Variants in MCPH1 observed in about 807,000 individuals in gnomAD.
MCPH1 encodes the protein microcephalin.
A neutral mutation model predicts 84.5 loss-of-function variants in MCPH1; 104 were observed. The ratio of observed to expected loss-of-function variants is 1.23; its 90% CI spans 1.05 to 1.45. MCPH1 has a LOEUF of 1.45. Among genes scored for constraint, MCPH1 ranks in the 40% most tolerant of loss-of-function variants. The pLI is 0.00. For missense variants in MCPH1, 1,498 were observed against 1,005.7 expected (o/e 1.49, Z -6.62); for synonymous variants, 514 against 366.8 (o/e 1.40, Z -4.58).
chr8:6,423,958 GA>G (rs1800659298), intron 3 of MCPH1, among the ~76,000 whole-genome samples: 1 of 152,154 alleles, frequency 6.6e-6, no homozygotes, highest in Admixed American at 6.5e-5. Context: ...AGAGCATAGA[GA>G]TAAGAGCCAA....
At chr8:6,552,503 G>A (rs892389590) in intron 12 of MCPH1, among the ~76,000 whole-genome samples, 1 of 152,168 alleles carries the variant, frequency 6.6e-6, no homozygotes, top group Admixed American at 6.5e-5. Context: ...ATAGAAGTTA[G>A]AACATTTAAC....
intron 9 of MCPH1, among the ~76,000 whole-genome samples, chr8:6,473,083 A>G (rs1319861486): frequency 6.6e-6 from 1 of 152,212 alleles, no homozygotes; most frequent in Non-Finnish European, 1.5e-5. Context: ...TAAGCCAATT[A>G]TACAGAAAAA....
chr8:6,609,053 T>C (rs1240160800), intron 12 of MCPH1, among the ~76,000 whole-genome samples: 1 of 152,216 alleles, frequency 6.6e-6, no homozygotes, highest in Admixed American at 6.5e-5. Flanking sequence ...AAACCCCAAC[T>C]TTCAATGACA....
Position 6,647,441 on chromosome 8 carries a change from A to G in MCPH1, c.*4392A>G, listed in dbSNP as rs1315355659. On this transcript the variant is annotated 3_prime_UTR_variant, in exon 14 of 14. Transcript: ENST00000344683. Reference sequence around the variant, plus strand: ...ACTCTCAGGTATATAACCAAAATACATGAAAACATGGATCTGCACAAGGTC... The same window carrying G: ...ACTCTCAGGTATATAACCAAAATACGTGAAAACATGGATCTGCACAAGGTC... 2 of 152,234 alleles carry G rather than the reference A, an allele frequency of 1.3e-5. No individual in the cohort carries two copies. Among genetic ancestry groups the G allele is most frequent in the African/African-American group, 2.4e-5 (1 of 41,462 alleles). 9.4% of individuals were successfully genotyped at this position (152,234 alleles called of 1,614,324 possible).
At chr8:6,423,457 G>A (rs963262470) in intron 3 of MCPH1, among the ~76,000 whole-genome samples, 3 of 152,038 alleles carry the variant, frequency 2.0e-5, no homozygotes, top group Non-Finnish European at 2.9e-5. Context: ...GAGCCCCTGC[G>A]CCCGGCCCAT....
At chr8:6,625,917 T>A in intron 13 of MCPH1, 1 of 985,114 alleles carries the variant, frequency 1.0e-6, no homozygotes, top group Non-Finnish European at 1.2e-6. Flanking sequence ...GGAACCTCTC[T>A]GAGAAGTTTC....
At chr8:6,439,682 G>A (rs901237830) in intron 6 of MCPH1, among the ~76,000 whole-genome samples, 17 of 152,218 alleles carry the variant, frequency 1.1e-4, no homozygotes, top group East Asian at 9.7e-4. Flanking sequence ...TAATCCAGGC[G>A]TGAGCCACCG....
chr8:6,578,144 G>C (rs773013214), intron 12 of MCPH1, among the ~76,000 whole-genome samples: 1 of 152,154 alleles, frequency 6.6e-6, no homozygotes, highest in East Asian at 1.9e-4. Context: ...CGACTGTCCC[G>C]ATGGGCATTT....
At chr8:6,484,003 A>C (rs1809556169) in intron 11 of MCPH1, among the ~76,000 whole-genome samples, 1 of 152,204 alleles carries the variant, frequency 6.6e-6, no homozygotes, top group African/African-American at 2.4e-5. Flanking sequence ...ATACAAGAAA[A>C]ATGATCTTGG....
intron 12 of MCPH1, among the ~76,000 whole-genome samples, chr8:6,547,079 G>A (rs571323534): frequency 7.2e-5 from 11 of 152,108 alleles, no homozygotes; most frequent in Non-Finnish European, 1.6e-4. Context: ...TCGGGCTAAT[G>A]CGTTTTTGGA....
intron 12 of MCPH1, chr8:6,527,800 G>T: frequency 1.1e-6 from 1 of 911,094 alleles, no homozygotes; most frequent in Non-Finnish European, 1.6e-6. Flanking sequence ...ATTAACCCAA[G>T]TATCTTATTT....
chr8:6,429,191 A>G (rs1051761061), intron 3 of MCPH1, among the ~76,000 whole-genome samples: 1 of 152,190 alleles, frequency 6.6e-6, no homozygotes, highest in African/African-American at 2.4e-5. Flanking sequence ...CTCAGAGTGA[A>G]CCATGAATAT....
At chr8:6,509,974 A>C (rs979192606) in intron 12 of MCPH1, among the ~76,000 whole-genome samples, 1 of 152,148 alleles carries the variant, frequency 6.6e-6, no homozygotes, top group Non-Finnish European at 1.5e-5. Context: ...AAAGATCCAA[A>C]TTTAAATCCC....
chr8:6,620,111 G>C (rs1343222141), intron 12 of MCPH1: 1 of 152,130 alleles, frequency 6.6e-6, no homozygotes, highest in African/African-American at 2.4e-5. Context: ...CTATCTCGCA[G>C]GATATAGTGC....
intron 3 of MCPH1, among the ~76,000 whole-genome samples, chr8:6,422,246 C>A (rs771992730): frequency 2.6e-5 from 4 of 151,998 alleles, no homozygotes; most frequent in Non-Finnish European, 5.9e-5. Context: ...AGTAGATGCT[C>A]AGTAAATATT....
At chr8:6,476,353 C>G (rs752450159) in intron 9 of MCPH1, among the ~76,000 whole-genome samples, 1 of 148,346 alleles carries the variant, frequency 6.7e-6, no homozygotes, top group East Asian at 2.0e-4. Flanking sequence ...TGCTTGAACC[C>G]GGGAGATGGA....
chr8:6,517,711 G>GGGT (rs765715195), intron 12 of MCPH1, among the ~76,000 whole-genome samples: 370 of 152,280 alleles, frequency 2.4e-3, no homozygotes, highest in Non-Finnish European at 3.7e-3. Flanking sequence ...AAGGCTGAGG[G>GGGT]TATCATTGTT....
chr8:6,513,918 A>G (rs1411741344), intron 12 of MCPH1: 28 of 1,339,010 alleles, frequency 2.1e-5, no homozygotes, highest in Non-Finnish European at 1.6e-5. Flanking sequence ...ATAGTCCGTC[A>G]ACTTAACATA....
intron 13 of MCPH1, among the ~76,000 whole-genome samples, chr8:6,638,286 G>A (rs1371630750): frequency 6.6e-6 from 1 of 152,146 alleles, no homozygotes; most frequent in African/African-American, 2.4e-5. Flanking sequence ...GTGGAGATGT[G>A]GCTAGATCTC....
Sources: gnomAD v4.1 joint callset for allele counts (sites outside exome capture counted in the v4.1 genomes callset) on GRCh38, gnomAD v4.1.1 for gene constraint, MANE v1.5 for transcripts, NCBI Gene and HGNC (gene_info 2026-07-23, HGNC 2026-07-21) for gene names.